Variants in ADAMTS16 observed in about 807,000 individuals in gnomAD.
ADAMTS16 encodes the protein ADAM metallopeptidase with thrombospondin type 1 motif 16.
In ADAMTS16, 94 loss-of-function variants were observed where a neutral mutation model predicts 145.8. The ratio of observed to expected loss-of-function variants is 0.64; its 90% CI spans 0.55 to 0.77. ADAMTS16 has a LOEUF of 0.77. ADAMTS16 is among the 30% of genes least tolerant of loss of function. The pLI is 0.00. For missense variants in ADAMTS16, 1,585 were observed against 1,591.5 expected, an observed-to-expected ratio of 1.00 and a Z score of 0.07; for synonymous variants, 659 against 604.3, an observed-to-expected ratio of 1.09 and a Z score of -1.33.
At chr5:5,237,170 G>A in intron 14 of ADAMTS16, 71 bp downstream of exon 14, 1 of 1,520,420 alleles carries the variant, frequency 6.6e-7, no homozygotes, top group Non-Finnish European at 8.9e-7. Context: ...ATCCTGTAGA[G>A]GCTAGAAAGA....
intron 3 of ADAMTS16, among the ~76,000 whole-genome samples, chr5:5,157,448 T>C (rs1684171297): frequency 6.6e-6 from 1 of 152,162 alleles, no homozygotes; most frequent in Non-Finnish European, 1.5e-5. Context: ...CCTAGCTTTA[T>C]ATATATGATT....
chr5:5,169,500 G>A (rs1379578253), intron 3 of ADAMTS16, among the ~76,000 whole-genome samples: 1 of 152,116 alleles, frequency 6.6e-6, no homozygotes, highest in African/African-American at 2.4e-5. Context: ...TTCCTAGGTG[G>A]GCCTCAGCTG....
intron 9 of ADAMTS16, among the ~76,000 whole-genome samples, chr5:5,206,179 C>A (rs1451172541): frequency 1.3e-5 from 2 of 151,484 alleles, no homozygotes; most frequent in African/African-American, 4.9e-5. Flanking sequence ...GTAATCCCAG[C>A]ACTTTGGGAG....
chr5:5,184,794 C>T (rs1349237162), intron 4 of ADAMTS16, among the ~76,000 whole-genome samples: 1 of 152,066 alleles, frequency 6.6e-6, no homozygotes, highest in African/African-American at 2.4e-5. Flanking sequence ...ATCACCACCC[C>T]ACGGAGTTTC....
At chr5:5,291,927 G>T (rs1031418806) in intron 18 of ADAMTS16, among the ~76,000 whole-genome samples, 4 of 152,238 alleles carry the variant, frequency 2.6e-5, no homozygotes, top group African/African-American at 9.6e-5. Context: ...ATTGAGGAGG[G>T]TGACGTTCAT....
chr5:5,172,435 T>C (rs1038084838), intron 3 of ADAMTS16, among the ~76,000 whole-genome samples: 1 of 152,078 alleles, frequency 6.6e-6, no homozygotes, highest in East Asian at 1.9e-4. Context: ...AATTTTGGTA[T>C]GGTGTATTTT....
At chr5:5,150,571 T>C (rs1734424837) in intron 3 of ADAMTS16, among the ~76,000 whole-genome samples, 1 of 152,114 alleles carries the variant, frequency 6.6e-6, no homozygotes, top group African/African-American at 2.4e-5. Flanking sequence ...GTTCTGCAGT[T>C]CAATCATCAC....
intron 18 of ADAMTS16, among the ~76,000 whole-genome samples, chr5:5,278,767 T>C (rs1738790249): frequency 6.6e-6 from 1 of 152,202 alleles, no homozygotes; most frequent in South Asian, 2.1e-4. Context: ...ATTTAGACCA[T>C]ATGCTTAGAC....
At chr5:5,256,595 CA>C (rs1737791142) in intron 17 of ADAMTS16, among the ~76,000 whole-genome samples, 1 of 152,126 alleles carries the variant, frequency 6.6e-6, no homozygotes, top group South Asian at 2.1e-4. Context: ...TGAAGCTAAA[CA>C]AATGTCTCCA....
intron 18 of ADAMTS16, among the ~76,000 whole-genome samples, chr5:5,299,635 G>T (rs538096005): frequency 6.6e-6 from 1 of 152,176 alleles, no homozygotes; most frequent in African/African-American, 2.4e-5. Context: ...ACCGTTGAGC[G>T]AAGGCTGTAA....
chr5:5,171,232 T>G lies in ADAMTS16; in HGVS notation c.502-10812T>G, dbSNP rs186235677. On this transcript the variant is annotated intron_variant, in intron 3 of 22. Transcript: ENST00000274181. The stretch of plus-strand genomic sequence containing the variant: ...CACTGGCAAAGAAGGATAATTTGAC[T>G]TCTTTCTTTCTAATTTGAATGCCCT... Among the ~76,000 whole-genome samples, 532 of 152,338 alleles carry G rather than the reference T, an allele frequency of 3.5e-3. 7 individuals are homozygous for G. Among genetic ancestry groups the G allele is most frequent in the African/African-American group, 0.012 (497 of 41,580 alleles).
At chr5:5,161,021 A>C (rs1032490934) in intron 3 of ADAMTS16, among the ~76,000 whole-genome samples, 6 of 152,238 alleles carry the variant, frequency 3.9e-5, no homozygotes, top group Admixed American at 6.5e-5. Context: ...CCCATACCTT[A>C]GTAATCACAT....
At chr5:5,265,666 A>G (rs2913664) in intron 18 of ADAMTS16, among the ~76,000 whole-genome samples, 42,635 of 152,066 alleles carry the variant, frequency 0.28, 6,043 homozygotes, top group East Asian at 0.37. Context: ...GCCTTGTGGT[A>G]AAGTGGGCTC....
intron 10 of ADAMTS16, among the ~76,000 whole-genome samples, chr5:5,218,718 G>A (rs1012991125): frequency 1.3e-5 from 2 of 152,196 alleles, no homozygotes; most frequent in Non-Finnish European, 2.9e-5. Flanking sequence ...TCTCAGCAAG[G>A]TGGATGGGGA....
At chr5:5,263,543 G>A (rs563882650) in intron 18 of ADAMTS16, among the ~76,000 whole-genome samples, 47 of 152,354 alleles carry the variant, frequency 3.1e-4, no homozygotes, top group African/African-American at 1.1e-3. Flanking sequence ...TCAGCCCCTT[G>A]TGGGAGGGAG....
chr5:5,208,340 G>A (rs775719771), intron 9 of ADAMTS16, among the ~76,000 whole-genome samples: 1 of 152,138 alleles, frequency 6.6e-6, no homozygotes, highest in Non-Finnish European at 1.5e-5. Flanking sequence ...TCAGGGAAGG[G>A]CCTATTGAAA....
At chr5:5,234,967 G>A (rs1457745034) in intron 12 of ADAMTS16, 47 bp from the exon 13 acceptor site, 4 of 1,448,482 alleles carry the variant, frequency 2.8e-6, no homozygotes, top group East Asian at 2.4e-5. Flanking sequence ...AAAGAATTTA[G>A]TAGCTACTAA....
chr5:5,236,671 G>A (rs1737117337), intron 13 of ADAMTS16, among the ~76,000 whole-genome samples: 1 of 151,940 alleles, frequency 6.6e-6, no homozygotes, highest in South Asian at 2.1e-4. Flanking sequence ...AAATAGTAAA[G>A]CATTAATGTT....
intron 18 of ADAMTS16, among the ~76,000 whole-genome samples, chr5:5,274,245 C>G (rs924416811): frequency 4.6e-5 from 7 of 152,302 alleles, no homozygotes; most frequent in Admixed American, 2.0e-4. Flanking sequence ...TGGGCGCTCA[C>G]TCTTAGTGTC....
Sources: allele counts gnomAD v4.1 joint callset (sites outside exome capture counted in the v4.1 genomes callset), GRCh38; gene constraint gnomAD v4.1.1; transcripts MANE v1.5; gene names NCBI Gene and HGNC (gene_info 2026-07-23, HGNC 2026-07-21).